The following HS2ST1 variants were observed in gnomAD, a reference collection of about 807,000 sequenced individuals.
HS2ST1 encodes the protein 2-O-sulfotransferase.
In HS2ST1, 18 loss-of-function variants were observed where a neutral mutation model predicts 42.9. The ratio of observed to expected loss-of-function variants is 0.42; its 90% CI spans 0.29 to 0.62. HS2ST1 has a LOEUF of 0.62. Among genes scored for constraint, HS2ST1 ranks in the 20% least tolerant of loss-of-function variants. HS2ST1 has a pLI of 0.21. For missense variants in HS2ST1, 334 were observed against 433.8 expected (o/e 0.77, Z 2.04); for synonymous variants, 146 against 152.9 (o/e 0.95, Z 0.33).
intron 1 of HS2ST1, among the ~76,000 whole-genome samples, chr1:86,969,135 C>T (rs1648156793): frequency 3.3e-5 from 5 of 152,180 alleles, no homozygotes; most frequent in Admixed American, 3.3e-4. Context: ...ACTTTACCTA[C>T]AGAGGTTTTC....
At chr1:86,994,784 C>G (rs1003874397) in intron 1 of HS2ST1, among the ~76,000 whole-genome samples, 1 of 151,994 alleles carries the variant, frequency 6.6e-6, no homozygotes, top group Non-Finnish European at 1.5e-5. Context: ...TTTTGCTTAA[C>G]ACTCTTGATT....
intron 1 of HS2ST1, chr1:86,992,931 A>G: frequency 1.4e-6 from 1 of 725,594 alleles, no homozygotes; most frequent in Non-Finnish European, 2.2e-6. Flanking sequence ...GCTAACTGTA[A>G]TAAACTGGGG....
intron 1 of HS2ST1, among the ~76,000 whole-genome samples, chr1:86,951,116 A>G (rs568009281): frequency 7.6e-4 from 116 of 152,352 alleles, no homozygotes; most frequent in Non-Finnish European, 3.8e-4. Context: ...TTAGCAGTAC[A>G]TGCTTCAGAT....
chr1:87,082,193 C>G (rs557268647), intron 2 of HS2ST1, among the ~76,000 whole-genome samples: 1 of 152,052 alleles, frequency 6.6e-6, no homozygotes, highest in Non-Finnish European at 1.5e-5. Context: ...ATCCAGCTTC[C>G]TGGGCTTTTT....
chr1:86,953,403 G>C (rs1412137211), intron 1 of HS2ST1, among the ~76,000 whole-genome samples: 1 of 152,170 alleles, frequency 6.6e-6, no homozygotes, highest in Non-Finnish European at 1.5e-5. Flanking sequence ...TTCTCAACTT[G>C]ACTCTTTGGC....
At chr1:87,053,544 T>A (rs1357682636) in intron 1 of HS2ST1, among the ~76,000 whole-genome samples, 1 of 152,224 alleles carries the variant, frequency 6.6e-6, no homozygotes, top group Non-Finnish European at 1.5e-5. Flanking sequence ...AATATTATGT[T>A]TAGTTTTACT....
At chr1:86,966,197 G>T (rs1375398990) in intron 1 of HS2ST1, among the ~76,000 whole-genome samples, 2 of 152,180 alleles carry the variant, frequency 1.3e-5, no homozygotes, top group African/African-American at 4.8e-5. Flanking sequence ...ATGTGTGCTG[G>T]AAAATTTCCT....
chr1:87,070,596 AAAT>A (rs922824360), intron 1 of HS2ST1, among the ~76,000 whole-genome samples: 2 of 152,146 alleles, frequency 1.3e-5, no homozygotes, highest in South Asian at 2.1e-4. Flanking sequence ...TGTCTCAAAA[AAAT>A]AATAATAATG....
chr1:87,013,610 G>A (rs957230503), intron 1 of HS2ST1, among the ~76,000 whole-genome samples: 22 of 152,314 alleles, frequency 1.4e-4, no homozygotes, highest in African/African-American at 5.1e-4. Context: ...TGTTACTTAT[G>A]CAAATTTCTA....
intron 1 of HS2ST1, among the ~76,000 whole-genome samples, chr1:87,033,269 C>CA (rs1210663761): frequency 6.6e-6 from 1 of 152,152 alleles, no homozygotes; most frequent in Non-Finnish European, 1.5e-5. Flanking sequence ...TCCATTAATT[C>CA]ATAAATATTC....
intron 1 of HS2ST1, among the ~76,000 whole-genome samples, chr1:87,027,716 G>A (rs142237355): frequency 6.0e-4 from 91 of 152,200 alleles, no homozygotes; most frequent in Non-Finnish European, 1.2e-3. Context: ...TTGAGACAGG[G>A]TCTCACTGTC....
intron 1 of HS2ST1, among the ~76,000 whole-genome samples, chr1:87,038,361 A>G (rs960633185): frequency 6.6e-6 from 1 of 152,172 alleles, no homozygotes; most frequent in Non-Finnish European, 1.5e-5. Context: ...TGGGGATGCC[A>G]TCCTAGAAAC....
chr1:86,964,174 G>T (rs1052118814), intron 1 of HS2ST1, among the ~76,000 whole-genome samples: 1 of 151,878 alleles, frequency 6.6e-6, no homozygotes, highest in Admixed American at 6.6e-5. Context: ...GGGAAGAGGC[G>T]CTCCTCACTT....
intron 1 of HS2ST1, among the ~76,000 whole-genome samples, chr1:86,950,336 C>G (rs1017987069): frequency 6.6e-6 from 1 of 151,814 alleles, no homozygotes; most frequent in African/African-American, 2.4e-5. Context: ...TCATGAAAGA[C>G]TAGATAGATA....
chr1:87,072,405 C>T (rs1305740324), intron 1 of HS2ST1, among the ~76,000 whole-genome samples: 1 of 152,098 alleles, frequency 6.6e-6, no homozygotes, highest in Non-Finnish European at 1.5e-5. Flanking sequence ...ATAACTAAAT[C>T]GGGTAATAAA....
At chr1:86,980,058 A>G (rs958117460) in intron 1 of HS2ST1, among the ~76,000 whole-genome samples, 1 of 152,218 alleles carries the variant, frequency 6.6e-6, no homozygotes, top group Non-Finnish European at 1.5e-5. Context: ...TATTTGTTAC[A>G]TTAAGGAGGA....
At chr1:87,053,359 T>C (rs1650879910) in intron 1 of HS2ST1, among the ~76,000 whole-genome samples, 1 of 152,314 alleles carries the variant, frequency 6.6e-6, no homozygotes, top group East Asian at 1.9e-4. Flanking sequence ...GTGCTAAGAA[T>C]TTAAGGAAAT....
At chr1:86,988,158 TTC>T (rs1648845430) in intron 1 of HS2ST1, among the ~76,000 whole-genome samples, 1 of 152,184 alleles carries the variant, frequency 6.6e-6, no homozygotes, top group African/African-American at 2.4e-5. Flanking sequence ...TTTCTAAACT[TTC>T]TGATGACTGA....
intron 1 of HS2ST1, among the ~76,000 whole-genome samples, chr1:86,921,640 G>A (rs983566376): frequency 2.0e-5 from 3 of 151,974 alleles, no homozygotes; most frequent in African/African-American, 7.3e-5. Flanking sequence ...TCCCCCTTTT[G>A]CCATTTCTAC....
Sources: allele counts gnomAD v4.1 joint callset (sites outside exome capture counted in the v4.1 genomes callset), GRCh38; gene constraint gnomAD v4.1.1; transcripts MANE v1.5; gene names NCBI Gene and HGNC (gene_info 2026-07-23, HGNC 2026-07-21).